MINDY3: variants seen among roughly 807,000 people sequenced by gnomAD.
MINDY3 encodes the protein ubiquitin carboxyl-terminal hydrolase MINDY-3.
MINDY3 carries 38 observed loss-of-function variants against 69.2 expected under a neutral mutation model. The ratio of observed to expected loss-of-function variants is 0.55; its 90% confidence interval spans 0.42 to 0.72. The LOEUF (loss-of-function observed/expected upper bound fraction) is 0.72. Among genes scored for constraint, MINDY3 ranks in the 30% least tolerant of loss-of-function variants. MINDY3 has a pLI of 0.00. For synonymous variants in MINDY3, 192 were observed against 180.1 expected (o/e 1.07, Z -0.53); for missense variants, 522 against 519.0 (o/e 1.01, Z -0.06).
At chr10:15,810,947 G>A (rs1314783809) in intron 10 of MINDY3, among the ~76,000 whole-genome samples, 1 of 152,098 alleles carries the variant, frequency 6.6e-6, no homozygotes, top group African/African-American at 2.4e-5. Flanking sequence ...ATAAAAAGAT[G>A]CTCATTAGTC....
chr10:15,791,774 A>G (rs1232233375), intron 11 of MINDY3, among the ~76,000 whole-genome samples: 2 of 152,170 alleles, frequency 1.3e-5, no homozygotes, highest in Non-Finnish European at 2.9e-5. Flanking sequence ...TGAGGCATGT[A>G]ATTTCCTGGA....
chr10:15,841,391 A>C, intron 4 of MINDY3, 35 bp downstream of exon 4: 1 of 1,544,422 alleles, frequency 6.5e-7, no homozygotes, highest in Non-Finnish European at 8.8e-7. Flanking sequence ...CAAAGGAACA[A>C]GAAAAAAACT....
intron 10 of MINDY3, among the ~76,000 whole-genome samples, chr10:15,805,636 C>T (rs1838586179): frequency 6.6e-6 from 1 of 152,100 alleles, no homozygotes. Context: ...CTGAAATGGG[C>T]CTACTTCCTT....
chr10:15,842,845 T>C (rs1833569651), intron 3 of MINDY3, among the ~76,000 whole-genome samples: 2 of 124,512 alleles, frequency 1.6e-5, no homozygotes, highest in African/African-American at 6.2e-5. Context: ...GGCATTATAC[T>C]AAAACATGCA....
In MINDY3 at chr10:15,793,191, A is replaced by G. The variant is rs377435612; in HGVS notation, c.955+2909T>C. Among the ~76,000 whole-genome samples the G allele has an allele frequency of 7.2e-5, 11 of 152,276 alleles. 1 individual carries two copies. The highest frequency in any genetic ancestry group is 2.4e-4 in the African/African-American group (10 of 41,572). ...CCAAACATTTTCTTCCACAAAAAAG[A>G]CACACAAAAATAAACACTGTGGACT... On this transcript the variant is annotated intron_variant, in intron 11 of 14. Transcript: ENST00000277632.
chr10:15,796,121 A>G lies in MINDY3; in HGVS notation c.934T>C (p.Phe312Leu). 6.2e-7 allele frequency: 1 copy of G among 1,612,804 alleles called. No individual in the cohort carries two copies. Among genetic ancestry groups the G allele is most frequent in the South Asian group, 1.1e-5 (1 of 90,972 alleles). ...EAPSEQARRV[F>L]QTYDPEDNGF... The stretch of plus-strand genomic sequence containing the variant: ...TTACCTTCTGGGTCGTAGGTTTGAA[A>G]AACTCTTCTGGCTTGTTCTGAAGGA... The change falls in exon 11 of 15, where the codon TTT becomes CTT. Residue 312 changes from phenylalanine (F) to leucine (L), a missense_variant. Phe to Leu is a conservative substitution (Grantham distance 22). Transcript: ENST00000277632.
chr10:15,786,869 T>G (rs2068935494), intron 12 of MINDY3, among the ~76,000 whole-genome samples: 2 of 152,126 alleles, frequency 1.3e-5, no homozygotes, highest in South Asian at 2.1e-4. Flanking sequence ...AAATTTAAAT[T>G]GTGATGACTT....
In MINDY3 at chr10:15,789,249, T is replaced by G. The variant is rs575163208; in HGVS notation, c.1026A>C (p.Glu342Asp). The change falls in exon 12 of 15, where the codon GAA (glutamate) becomes GAC (aspartate). Residue 342 changes from glutamate to aspartate, a missense_variant and splice_region_variant. Physicochemically the swap from Glu to Asp is conservative, Grantham distance 45. Transcript: ENST00000277632. ...MKALDLVSDP[E>D]YINLMKNKLD... ...ATAACACTTCCTATTTAGCTTACTA[T>G]TCAGGATCTGAAACAAGGTCCAATG... The G allele has an allele frequency of 1.3e-4, 210 of 1,607,568 alleles. 2 individuals are homozygous for G. The South Asian group carries it at 2.2e-3, about 17-fold the overall frequency.
chr10:15,813,265 AG>A (rs1246644096), intron 10 of MINDY3, among the ~76,000 whole-genome samples: 1 of 152,084 alleles, frequency 6.6e-6, no homozygotes, highest in African/African-American at 2.4e-5. Flanking sequence ...TGCTCCCTCC[AG>A]CCCTTGTCTT....
rs1835013379 is a variant in MINDY3 at position 15,860,356 on chromosome 10, G to GA, written c.-58dup. ...GCGGACTCCTGCCCCGGAACATGGG[G>GA]AAGGGGCAACTCCGGAAACAGCAGC... On this transcript the variant is annotated 5_prime_UTR_variant, in exon 1 of 15. Transcript: ENST00000277632. The GA allele has an allele frequency of 7.7e-7, 1 of 1,299,654 alleles. No homozygotes were observed. The highest frequency in any genetic ancestry group is 2.0e-5 in the Admixed American group (1 of 50,508). 80.5% of individuals were successfully genotyped at this position (1,299,654 alleles called of 1,614,324 possible). A position where few individuals can be genotyped will look rare whatever the true frequency, so the allele number is the denominator to read the frequency against.
intron 10 of MINDY3, among the ~76,000 whole-genome samples, chr10:15,800,614 A>G (rs1380856771): frequency 6.6e-6 from 1 of 152,144 alleles, no homozygotes; most frequent in Non-Finnish European, 1.5e-5. Context: ...CATGGAACCC[A>G]TATGAAGTGC....
At chr10:15,850,752 C>T (rs1834225070) in intron 1 of MINDY3, among the ~76,000 whole-genome samples, 2 of 152,094 alleles carry the variant, frequency 1.3e-5, no homozygotes, top group Admixed American at 1.3e-4. Context: ...CACTCTGCCC[C>T]CATTTGCCTT....
rs536448021 is a variant in MINDY3, at chr10:15,840,590, C to T, written c.409+836G>A. ...TACTTTCAGGTACGTAATCTCTTTA[C>T]GAAAACTTTCCACAAAGATGATAGT... On this transcript the variant is annotated intron_variant, in intron 4 of 14. Transcript: ENST00000277632. Among the ~76,000 whole-genome samples, 6 of 151,628 alleles carry T rather than the reference C, an allele frequency of 4.0e-5. No individual in the cohort carries two copies. In the East Asian group the frequency reaches 5.8e-4, roughly 15 times the overall value.
intron 8 of MINDY3, among the ~76,000 whole-genome samples, chr10:15,832,642 A>T (rs996690059): frequency 1.3e-5 from 2 of 152,202 alleles, no homozygotes; most frequent in African/African-American, 4.8e-5. Flanking sequence ...ACCACTAAGT[A>T]AATAATTTTG....
At chr10:15,845,207 T>G (rs1173476067) in intron 2 of MINDY3, among the ~76,000 whole-genome samples, 28 of 152,184 alleles carry the variant, frequency 1.8e-4, no homozygotes, top group Non-Finnish European at 2.9e-5. Context: ...CAAGTCATAT[T>G]GATGGGATTT....
intron 11 of MINDY3, among the ~76,000 whole-genome samples, chr10:15,791,011 A>G (rs994881017): frequency 1.3e-5 from 2 of 152,164 alleles, no homozygotes; most frequent in African/African-American, 2.4e-5. Context: ...ACATGCTTAT[A>G]TATGATTAAC....
At chr10:15,790,948 C>G (rs116791339) in intron 11 of MINDY3, among the ~76,000 whole-genome samples, 3,361 of 152,134 alleles carry the variant, frequency 0.022, 113 homozygotes, top group African/African-American at 0.073. Context: ...CCCACCCCAA[C>G]CAAGAGCTAA....
intron 12 of MINDY3, chr10:15,789,043 T>G: frequency 7.1e-6 from 3 of 421,750 alleles, no homozygotes; most frequent in Non-Finnish European, 1.3e-5. Flanking sequence ...CAGTAATTGC[T>G]GGGTGGGAAA....
At chr10:15,780,855 A>C (rs1836472555) in intron 14 of MINDY3, among the ~76,000 whole-genome samples, 1 of 152,152 alleles carries the variant, frequency 6.6e-6, no homozygotes, top group East Asian at 1.9e-4. Flanking sequence ...GTGGCCAAGC[A>C]GACCAAGGAC....
Sources: gnomAD v4.1 joint callset for allele counts (sites outside exome capture counted in the v4.1 genomes callset) on GRCh38, gnomAD v4.1.1 for gene constraint, MANE v1.5 for transcripts, NCBI Gene and HGNC (gene_info 2026-07-23, HGNC 2026-07-21) for gene names.